Variants in NRG3 observed in about 807,000 individuals in gnomAD.
NRG3 encodes neuregulin 3.
In NRG3, 31 loss-of-function variants were observed where a neutral mutation model predicts 66.9. The observed-to-expected ratio is 0.46, with a 90% confidence interval of 0.35 to 0.63. The LOEUF (loss-of-function observed/expected upper bound fraction) is 0.63, where lower values mean the gene tolerates loss of function less well. NRG3 is among the 20% of genes least tolerant of loss of function. The pLI is 0.00. For missense variants in NRG3, 910 were observed against 878.9 expected, an observed-to-expected ratio of 1.04 and a Z score of -0.45; for synonymous variants, 393 against 359.4, an observed-to-expected ratio of 1.09 and a Z score of -1.06.
At chr10:82,282,746 C>T (rs1263822842) in intron 1 of NRG3, among the ~76,000 whole-genome samples, 1 of 152,112 alleles carries the variant, frequency 6.6e-6, no homozygotes, top group Non-Finnish European at 1.5e-5. Context: ...ACATGGTGGT[C>T]CCCTGAGTCG....
chr10:82,029,480 T>A (rs2062466056), intron 1 of NRG3, among the ~76,000 whole-genome samples: 1 of 152,150 alleles, frequency 6.6e-6, no homozygotes, highest in South Asian at 2.1e-4. Flanking sequence ...AAAGATGTGC[T>A]GATTCAAAGC....
At chr10:82,493,748 G>C in intron 2 of NRG3, among the ~76,000 whole-genome samples, 1 of 152,096 alleles carries the variant, frequency 6.6e-6, no homozygotes, top group East Asian at 1.9e-4. Flanking sequence ...TTGACAAATG[G>C]GATCTCATTA....
chr10:81,881,936 T>A (rs1842219394), intron 1 of NRG3, among the ~76,000 whole-genome samples: 1 of 152,158 alleles, frequency 6.6e-6, no homozygotes. Context: ...TCTCTTGCAG[T>A]TTTCTTGTCT....
rs117760909 is a variant in NRG3 at position 82,881,074 on chromosome 10, G to A, written c.1054+15637G>A. 2.0e-3 allele frequency among the ~76,000 whole-genome samples: 297 copies of A among 152,258 alleles called. 1 individual carries two copies. The highest frequency in any genetic ancestry group is 3.1e-3 in the Admixed American group (48 of 15,286). On this transcript the variant is annotated intron_variant, in intron 4 of 8. Coordinates refer to ENST00000372141, the MANE Select transcript of NRG3 (RefSeq NM_001010848.4). ...CAAGGGACAGCTCTGCTTGTTACAC[G>A]ATGAGAATTATGCACAAAATACTAA...
rs112506653 is a variant in NRG3 at position 81,895,216 on chromosome 10, A to G, written c.823+19053A>G. On this transcript the variant is annotated intron_variant, in intron 1 of 8. Coordinates refer to ENST00000372141, the MANE Select transcript of NRG3 (RefSeq NM_001010848.4). ...TTGGGTTAAAAAATCTGACCCCATG[A>G]AGGCTTTGCTGATCATTGACAAATC... Among the ~76,000 whole-genome samples, 275 of 152,302 alleles carry G rather than the reference A, an allele frequency of 1.8e-3. 2 individuals are homozygous for G. The highest frequency in any genetic ancestry group is 6.4e-3 in the African/African-American group (265 of 41,558).
chr10:82,867,437 TG>T, intron 4 of NRG3, among the ~76,000 whole-genome samples: 1 of 152,284 alleles, frequency 6.6e-6, no homozygotes, highest in Non-Finnish European at 1.5e-5. Context: ...GGCTGGGAAA[TG>T]GAACCCTGAG....
chr10:82,304,807 A>G (rs1299309067), intron 1 of NRG3, among the ~76,000 whole-genome samples: 4 of 152,086 alleles, frequency 2.6e-5, no homozygotes, highest in Admixed American at 1.3e-4. Flanking sequence ...TACTTTAGCC[A>G]TATAATGTAA....
At chr10:82,629,128 A>G (rs955892076) in intron 2 of NRG3, among the ~76,000 whole-genome samples, 3 of 152,184 alleles carry the variant, frequency 2.0e-5, no homozygotes, top group African/African-American at 7.2e-5. Context: ...ATTAGGGAGG[A>G]GCATTCAAGG....
chr10:81,950,410 G>T (rs965695463), intron 1 of NRG3, among the ~76,000 whole-genome samples: 4 of 152,148 alleles, frequency 2.6e-5, no homozygotes, highest in African/African-American at 4.8e-5. Flanking sequence ...TTACAGATGA[G>T]GAAAGTCAGG....
At chr10:82,905,255 A>G (rs1199488743) in intron 4 of NRG3, among the ~76,000 whole-genome samples, 6 of 152,152 alleles carry the variant, frequency 3.9e-5, no homozygotes, top group African/African-American at 1.4e-4. Flanking sequence ...CTGGCCTTGT[A>G]TTTTCTCAGT....
At chr10:82,744,819 G>T (rs1015560453) in intron 3 of NRG3, among the ~76,000 whole-genome samples, 4 of 152,086 alleles carry the variant, frequency 2.6e-5, no homozygotes, top group Non-Finnish European at 5.9e-5. Context: ...TATAGCTGTT[G>T]CTAGGATGAA....
At chr10:82,895,173 A>G (rs995695160) in intron 4 of NRG3, among the ~76,000 whole-genome samples, 4 of 152,028 alleles carry the variant, frequency 2.6e-5, no homozygotes, top group South Asian at 2.1e-4. Flanking sequence ...ATTCATTTCT[A>G]TCATGGCAAT....
intron 4 of NRG3, among the ~76,000 whole-genome samples, chr10:82,874,995 G>T (rs1841679482): frequency 6.6e-6 from 1 of 152,146 alleles, no homozygotes; most frequent in African/African-American, 2.4e-5. Context: ...AATGAAATAT[G>T]AACCAGATCC....
At position 81,876,070 on chromosome 10, in the gene NRG3, C is replaced by T; in HGVS notation, c.730C>T (p.Leu244=). Residue 244 remains leucine (L), a synonymous_variant, in exon 1 of 9, where the codon CTG becomes TTG. Coordinates refer to ENST00000372141, the MANE Select transcript of NRG3 (RefSeq NM_001010848.4). ...YLHDSTPSWT[L]SPFQDAASSS... Reference sequence around the variant, plus strand: ...TCACGATTCTACTCCCTCCTGGACCCTGTCTCCCTTTCAGGATGCTGCCTC... The same window carrying T: ...TCACGATTCTACTCCCTCCTGGACCTTGTCTCCCTTTCAGGATGCTGCCTC... 6.2e-7 allele frequency: 1 copy of T among 1,613,920 alleles called. No individual in the cohort carries two copies. The highest frequency in any genetic ancestry group is 8.5e-7 in the Non-Finnish European group (1 of 1,180,006).
At chr10:82,200,019 A>C (rs573112530) in intron 1 of NRG3, among the ~76,000 whole-genome samples, 4 of 151,958 alleles carry the variant, frequency 2.6e-5, no homozygotes. Flanking sequence ...CTTATCCGAA[A>C]AATGTACATA....
chr10:82,759,766 C>T (rs1055838861), intron 3 of NRG3, among the ~76,000 whole-genome samples: 1 of 152,102 alleles, frequency 6.6e-6, no homozygotes, highest in East Asian at 1.9e-4. Flanking sequence ...ACCAGGGTTC[C>T]TAGCTTTCAT....
chr10:82,757,900 T>C (rs1296938225), intron 3 of NRG3, among the ~76,000 whole-genome samples: 1 of 152,052 alleles, frequency 6.6e-6, no homozygotes, highest in Non-Finnish European at 1.5e-5. Flanking sequence ...ATATTTTAAT[T>C]TGGGCATTTT....
At chr10:82,722,167 T>C (rs907886470) in intron 2 of NRG3, among the ~76,000 whole-genome samples, 2 of 152,208 alleles carry the variant, frequency 1.3e-5, no homozygotes, top group Non-Finnish European at 2.9e-5. Context: ...ATGTGGGGCC[T>C]GGTTGTTGTT....
chr10:82,962,742 G>A (rs1184545710), intron 6 of NRG3, among the ~76,000 whole-genome samples: 1 of 152,090 alleles, frequency 6.6e-6, no homozygotes, highest in Admixed American at 6.5e-5. Flanking sequence ...GGGAGGTTGA[G>A]GTGGGAGAAT....
Sources: allele counts gnomAD v4.1 joint callset (sites outside exome capture counted in the v4.1 genomes callset), GRCh38; gene constraint gnomAD v4.1.1; transcripts MANE v1.5; gene names NCBI Gene and HGNC (gene_info 2026-07-23, HGNC 2026-07-21).